Variants in MADD observed in about 807,000 individuals in gnomAD.
MADD encodes MAP kinase-activating death domain protein.
In MADD, 109 loss-of-function variants were observed where a neutral mutation model predicts 176.7. That is an observed-to-expected ratio of 0.62 (90% CI 0.53 to 0.72). MADD has a LOEUF of 0.72. Among genes scored for constraint, MADD ranks in the 30% least tolerant of loss-of-function variants. MADD has a pLI of 0.00. For missense variants in MADD, 1,914 were observed against 2,045.5 expected, an observed-to-expected ratio of 0.94 and a Z score of 1.24; for synonymous variants, 771 against 771.3, an observed-to-expected ratio of 1.00 and a Z score of 0.01.
In MADD at chr11:47,285,434, G is replaced by C; in HGVS notation, c.2412-17G>C. On this transcript the variant is annotated splice_polypyrimidine_tract_variant and intron_variant, in intron 13 of 32. Transcript: ENST00000402192. The stretch of plus-strand genomic sequence containing the variant: ...GTACCCCTGCCTGGGGATCATAGGT[G>C]CCTCTGTGCATTCAAGGGCTCAAAA... 1 of 1,613,964 alleles carries C rather than the reference G, an allele frequency of 6.2e-7. No individual in the cohort carries two copies. Among genetic ancestry groups the C allele is most frequent in the Non-Finnish European group, 8.5e-7 (1 of 1,179,972 alleles).
chr11:47,294,328 A>G (rs970878602), intron 20 of MADD, among the ~76,000 whole-genome samples: 5 of 150,152 alleles, frequency 3.3e-5, no homozygotes, highest in African/African-American at 1.2e-4. Flanking sequence ...AGCCTGGGCA[A>G]CAAAGGTGAA....
chr11:47,319,187 A>G lies in MADD; in HGVS notation c.4197+3860A>G, dbSNP rs377677448. On this transcript the variant is annotated intron_variant, in intron 27 of 32. Coordinates refer to ENST00000402192, the Ensembl canonical transcript of MADD. ...TGCTCTGTCACCCAGGCTGGAGTGC[A>G]GTGGCACAATCTTGGCTCACTGCAA... Among the ~76,000 whole-genome samples, 63 of 145,832 alleles carry G rather than the reference A, an allele frequency of 4.3e-4. No homozygotes were observed. The South Asian group carries it at 0.013, about 31-fold the overall frequency.
chr11:47,323,868 T>C (rs1303384416), intron 28 of MADD, 33 bp downstream of exon 31: 1 of 1,604,826 alleles, frequency 6.2e-7, no homozygotes, highest in Non-Finnish European at 8.5e-7. Flanking sequence ...TTGGGGCTAG[T>C]AGGCATTGAA....
chr11:47,320,765 T>C (rs745459886), intron 27 of MADD, among the ~76,000 whole-genome samples: 3 of 151,880 alleles, frequency 2.0e-5, no homozygotes, highest in Non-Finnish European at 4.4e-5. Flanking sequence ...CCACAAAAAA[T>C]TTTAAAATAA....
intron 20 of MADD, among the ~76,000 whole-genome samples, chr11:47,295,017 G>T (rs939584067): frequency 6.8e-6 from 1 of 146,584 alleles, no homozygotes; most frequent in Non-Finnish European, 1.5e-5. Context: ...TTGTTTTTTT[G>T]TTTTTTTTTT....
chr11:47,278,182 C>A, exon 6 of MADD: 3 of 1,613,842 alleles, frequency 1.9e-6, no homozygotes, highest in Non-Finnish European at 2.5e-6. Context: ...TGGCTCCAAC[C>A]CCGTACATCA....
chr11:47,299,777 G>T (rs577349535), intron 22 of MADD, among the ~76,000 whole-genome samples: 1 of 151,826 alleles, frequency 6.6e-6, no homozygotes, highest in South Asian at 2.1e-4. Context: ...CAGTCCACCC[G>T]CCTTGGCCAC....
Position 47,290,825 on chromosome 11 carries a change from C to G in MADD, c.3301+9C>G. On this transcript the variant is annotated intron_variant, in intron 19 of 32. Coordinates refer to ENST00000402192, the Ensembl canonical transcript of MADD. ...TTTTATAGCATCTATTGGTACGTAT[C>G]AGTGTGTTTGGTGTGGTGGAGGGGT... 6.3e-7 allele frequency: 1 copy of G among 1,597,130 alleles called. No individual in the cohort carries two copies. The highest frequency in any genetic ancestry group is 8.6e-7 in the Non-Finnish European group (1 of 1,166,372).
At chr11:47,277,249 A>G (rs916085554) in intron 5 of MADD, among the ~76,000 whole-genome samples, 1 of 146,092 alleles carries the variant, frequency 6.8e-6, no homozygotes, top group African/African-American at 2.6e-5. Flanking sequence ...CGTTTAATTT[A>G]TGAATTAGAC....
At chr11:47,286,491 C>A (rs372849303) in exon 15 of MADD, 33 of 1,614,050 alleles carry the variant, frequency 2.0e-5, no homozygotes, top group Non-Finnish European at 2.8e-5. Flanking sequence ...CACTGCCCAC[C>A]AAAGGTGCCC....
At chr11:47,295,552 A>G in exon 21 of MADD, 1 of 1,613,158 alleles carries the variant, frequency 6.2e-7, no homozygotes, top group Non-Finnish European at 8.5e-7. Flanking sequence ...TCCGCAGCTC[A>G]AGTCAGGATT....
At chr11:47,316,275 A>C (rs545927009) in intron 27 of MADD, among the ~76,000 whole-genome samples, 1 of 152,008 alleles carries the variant, frequency 6.6e-6, no homozygotes, top group African/African-American at 2.4e-5. Context: ...TCTTGCACTC[A>C]TTCTTGTCCC....
Position 47,278,162 on chromosome 11 carries a change from C to T in MADD, c.1096-3C>T, listed in dbSNP as rs2052400836. On this transcript the variant is annotated splice_region_variant and splice_polypyrimidine_tract_variant and intron_variant, in intron 5 of 32. Transcript: ENST00000402192. ...TTTCTCACCTTCTTTATCATTTCCA[C>T]AGCTGCTGTTGGCTCCAACCCCGTA... 1 of 1,602,316 alleles carries T rather than the reference C, an allele frequency of 6.2e-7. No homozygotes were observed. Among genetic ancestry groups the T allele is most frequent in the Non-Finnish European group, 8.6e-7 (1 of 1,169,302 alleles).
chr11:47,308,042 A>G (rs2084502631), intron 22 of MADD, among the ~76,000 whole-genome samples: 2 of 152,374 alleles, frequency 1.3e-5, no homozygotes, highest in South Asian at 4.1e-4. Context: ...AGGGTCAGTA[A>G]GAGTTGATAG....
At chr11:47,314,121 G>A (rs894258485) in intron 26 of MADD, among the ~76,000 whole-genome samples, 1 of 151,962 alleles carries the variant, frequency 6.6e-6, no homozygotes, top group Non-Finnish European at 1.5e-5. Flanking sequence ...TGCACCTGTA[G>A]TCCCAGCTAC....
exon 9 of MADD, chr11:47,282,537 G>A (rs144800241): frequency 9.9e-6 from 16 of 1,614,046 alleles, no homozygotes; most frequent in Non-Finnish European, 1.3e-5. Context: ...CCGAGAAATT[G>A]GCCAGGACTC....
chr11:47,286,917 G>A (rs1354207605), intron 15 of MADD, among the ~76,000 whole-genome samples: 1 of 152,172 alleles, frequency 6.6e-6, no homozygotes, highest in Non-Finnish European at 1.5e-5. Context: ...GTTATGGAGA[G>A]CCTGGCAGCG....
intron 2 of MADD, 84 bp downstream of exon 2, chr11:47,274,060 T>C (rs777446736): frequency 1.8e-5 from 23 of 1,270,152 alleles, no homozygotes; most frequent in Non-Finnish European, 2.6e-5. Flanking sequence ...ATTTCCATGT[T>C]GCTTTGCATA....
exon 12 of MADD, chr11:47,284,430 C>T (rs376724481): frequency 5.1e-5 from 83 of 1,613,970 alleles, no homozygotes; most frequent in South Asian, 4.8e-4. Flanking sequence ...TGGAGATTGA[C>T]GAGCTGCAGA....
Sources: gnomAD v4.1 joint callset for allele counts (sites outside exome capture counted in the v4.1 genomes callset) on GRCh38, gnomAD v4.1.1 for gene constraint, MANE v1.5 for transcripts, NCBI Gene and HGNC (gene_info 2026-07-23, HGNC 2026-07-21) for gene names.